MEF2A: variants seen among roughly 807,000 people sequenced by gnomAD.
The protein encoded by MEF2A is myocyte-specific enhancer factor 2A.
MEF2A carries 28 observed loss-of-function variants against 55.8 expected under a neutral mutation model. The observed-to-expected ratio is 0.50, with a 90% CI of 0.37 to 0.69. MEF2A has a LOEUF of 0.69. Among genes scored for constraint, MEF2A ranks in the 30% least tolerant of loss-of-function variants. The probability of loss-of-function intolerance (pLI) is 0.00; values close to 1 mark genes in which losing one functional copy is unlikely to be tolerated. For synonymous variants in MEF2A, 239 were observed against 227.1 expected (o/e 1.05, Z -0.47); for missense variants, 528 against 626.2 (o/e 0.84, Z 1.67).
intron 7 of MEF2A, among the ~76,000 whole-genome samples, chr15:99,676,467 C>G (rs1202180354): frequency 6.6e-6 from 1 of 151,246 alleles, no homozygotes; most frequent in Non-Finnish European, 1.5e-5. Context: ...TAATATGCTT[C>G]TCTCACATTG....
rs139889218 is a variant in MEF2A at position 99,612,206 on chromosome 15, G to C, written c.-143+13695G>C. Among the ~76,000 whole-genome samples the C allele has an allele frequency of 5.4e-4, 82 of 152,238 alleles. No homozygotes were observed. The East Asian group carries it at 0.015, about 29-fold the overall frequency. On this transcript the variant is annotated intron_variant, in intron 2 of 11. Transcript: ENST00000557942. ...CGAGATGGGTGGATCATGAGGTCAG[G>C]AGATCGAGACTATCCTGGCTAACAG... is the stretch of plus-strand genomic sequence containing the variant.
intron 7 of MEF2A, among the ~76,000 whole-genome samples, chr15:99,679,057 G>T (rs888254690): frequency 3.3e-5 from 5 of 152,152 alleles, no homozygotes; most frequent in Non-Finnish European, 7.4e-5. Flanking sequence ...ACACCCACCA[G>T]AATTGCTAAG....
At position 99,712,372 on chromosome 15, in the gene MEF2A, CTCT is replaced by C. The variant is rs930289489; in HGVS notation, c.1137-16_1137-14del. ...GGTACTTGCAAGCCATCTGACCTCTCTCTTTTTTTTCCTTCAGTGCTGGAGGGC... is the reference window on the plus strand; with the variant it reads ...GGTACTTGCAAGCCATCTGACCTCTCTTTTTTTCCTTCAGTGCTGGAGGGC... On this transcript the variant is annotated splice_polypyrimidine_tract_variant and intron_variant, in intron 11 of 11. Coordinates refer to ENST00000557942, the MANE Select transcript of MEF2A (RefSeq NM_001319206.4). This position sits in a 1 kb window ranked among gnomAD's most constrained non-coding sequence, Gnocchi z 4.1. 3 of 1,510,364 alleles carry C rather than the reference CTCT, an allele frequency of 2.0e-6. No individual in the cohort carries two copies. The highest frequency in any genetic ancestry group is 4.1e-5 in the Admixed American group (2 of 48,476). The allele number at this position is 1,510,364 out of a possible 1,614,324, so 93.6% of individuals were successfully genotyped here. A position where few individuals can be genotyped will look rare whatever the true frequency, so the allele number is the denominator to read the frequency against.
chr15:99,622,938 G>GAA (rs2041466847), intron 2 of MEF2A, among the ~76,000 whole-genome samples: 1 of 151,940 alleles, frequency 6.6e-6, no homozygotes, highest in Non-Finnish European at 1.5e-5. Flanking sequence ...CTGACCTCAT[G>GAA]ATCCACCCGC....
chr15:99,570,590 G>A (rs991191860), intron 1 of MEF2A, among the ~76,000 whole-genome samples: 1 of 152,162 alleles, frequency 6.6e-6, no homozygotes, highest in African/African-American at 2.4e-5. Flanking sequence ...GGATTCATTT[G>A]AGGCATGATT....
chr15:99,643,672 A>G (rs909342276), intron 3 of MEF2A, among the ~76,000 whole-genome samples: 2 of 151,472 alleles, frequency 1.3e-5, no homozygotes, highest in African/African-American at 4.9e-5. Context: ...GCTCACTGCA[A>G]GCTCTGCCTC....
In MEF2A at chr15:99,702,418, C is replaced by T. The variant is rs545936260; in HGVS notation, c.859-944C>T. Reference sequence around the variant, plus strand: ...TTCTAAATGTTATGGAGAAAAGGAGCAAAAATGTTTCTTTTTTTTTTTTTT... The same window carrying T: ...TTCTAAATGTTATGGAGAAAAGGAGTAAAAATGTTTCTTTTTTTTTTTTTT... On this transcript the variant is annotated intron_variant, in intron 8 of 11. Coordinates refer to ENST00000557942, the MANE Select transcript of MEF2A (RefSeq NM_001319206.4). Among the ~76,000 whole-genome samples the T allele has an allele frequency of 4.1e-5, 6 of 145,604 alleles. No individual in the cohort carries two copies. The South Asian group carries it at 1.3e-3, about 32-fold the overall frequency.
intron 1 of MEF2A, among the ~76,000 whole-genome samples, chr15:99,592,159 G>C (rs2152976336): frequency 6.6e-6 from 1 of 152,268 alleles, no homozygotes; most frequent in South Asian, 2.1e-4. Context: ...TGTTCTGGCA[G>C]ATCTAGTGTA....
chr15:99,577,842 T>G (rs1186035921), intron 1 of MEF2A, among the ~76,000 whole-genome samples: 1 of 152,218 alleles, frequency 6.6e-6, no homozygotes, highest in Non-Finnish European at 1.5e-5. Flanking sequence ...GTAGAATGTC[T>G]TTCAATTTGG....
chr15:99,714,808 C>G lies in MEF2A; in HGVS notation c.*2037C>G, dbSNP rs12902459. The G allele has an allele frequency of 4.3e-5, 4 of 93,708 alleles. No individual in the cohort carries two copies. Among genetic ancestry groups the G allele is most frequent in the Admixed American group, 1.1e-4 (1 of 8,794 alleles). 5.8% of individuals were successfully genotyped at this position (93,708 alleles called of 1,614,324 possible). A position where few individuals can be genotyped will look rare whatever the true frequency, so the allele number is the denominator to read the frequency against. On this transcript the variant is annotated 3_prime_UTR_variant, in exon 12 of 12. Transcript: ENST00000557942. ...TCTATGTACATTTTGTTCCCCCCCC[C>G]CCACCCCCCCCCCAAATTACGTTCC...
Position 99,674,527 on chromosome 15 carries a change from A to G in MEF2A, c.525A>G (p.Ser175=). The G allele has an allele frequency of 1.2e-6, 2 of 1,613,930 alleles. No homozygotes were observed. The highest frequency in any genetic ancestry group is 8.5e-7 in the Non-Finnish European group (1 of 1,179,866). ...SLAASSTLTD[S]SMLSPPQTTL... is the part of the protein sequence containing the mutation. ...CAGCCAGCTCAACGTTAACAGATTC[A>G]AGCATGCTCTCTCCACCTCAAACCA... Residue 175 remains serine (S), a synonymous_variant, in exon 6 of 12, where the codon TCA becomes TCG. Coordinates refer to ENST00000557942, the MANE Select transcript of MEF2A (RefSeq NM_001319206.4).
chr15:99,684,819 T>G (rs1362935115), intron 7 of MEF2A, among the ~76,000 whole-genome samples: 1 of 152,232 alleles, frequency 6.6e-6, no homozygotes, highest in Non-Finnish European at 1.5e-5. Context: ...ATTTTTGTGA[T>G]TTCAGGTCTT....
intron 2 of MEF2A, among the ~76,000 whole-genome samples, chr15:99,627,190 G>C (rs1014660148): frequency 6.6e-6 from 1 of 151,768 alleles, no homozygotes; most frequent in Non-Finnish European, 1.5e-5. Context: ...ACACGAAGTG[G>C]GTTAGGGCCA....
At chr15:99,613,136 A>G (rs1305573774) in intron 2 of MEF2A, among the ~76,000 whole-genome samples, 2 of 152,230 alleles carry the variant, frequency 1.3e-5, no homozygotes, top group East Asian at 3.8e-4. Context: ...ATAATAAAAC[A>G]GAGGCTGTGA....
At chr15:99,688,128 TACC>T (rs1567446837) in intron 7 of MEF2A, among the ~76,000 whole-genome samples, 3 of 152,254 alleles carry the variant, frequency 2.0e-5, no homozygotes, top group Non-Finnish European at 4.4e-5. Flanking sequence ...GAAATTGAAA[TACC>T]ACACTGTAAT....
intron 11 of MEF2A, among the ~76,000 whole-genome samples, chr15:99,711,084 C>T (rs1366777654): frequency 6.6e-6 from 1 of 152,234 alleles, no homozygotes; most frequent in East Asian, 1.9e-4. Context: ...CTTCTGCCCT[C>T]TGACCAGTGA....
At chr15:99,626,069 G>A (rs561171008) in intron 2 of MEF2A, among the ~76,000 whole-genome samples, 19 of 152,258 alleles carry the variant, frequency 1.2e-4, no homozygotes, top group African/African-American at 4.3e-4. Flanking sequence ...CATCAATGAA[G>A]CCATTGAGTC....
chr15:99,686,455 C>T (rs1336519162), intron 7 of MEF2A, among the ~76,000 whole-genome samples: 3 of 152,144 alleles, frequency 2.0e-5, no homozygotes, highest in Admixed American at 1.3e-4. Flanking sequence ...CTGAAAAAGA[C>T]TCTCTCTTCT....
At chr15:99,688,781 A>AT (rs2054807027) in intron 7 of MEF2A, among the ~76,000 whole-genome samples, 1 of 152,096 alleles carries the variant, frequency 6.6e-6, no homozygotes, top group Non-Finnish European at 1.5e-5. Context: ...AAATAAATAA[A>AT]AATAAAATGC....
Sources: allele counts gnomAD v4.1 joint callset (sites outside exome capture counted in the v4.1 genomes callset), GRCh38; gene constraint gnomAD v4.1.1; non-coding constraint Gnocchi (gnomAD v3.1); transcripts MANE v1.5; gene names NCBI Gene and HGNC (gene_info 2026-07-23, HGNC 2026-07-21).